LTBP1: variants seen among roughly 807,000 people sequenced by gnomAD.
LTBP1 encodes the protein latent transforming growth factor beta binding protein 1, also known as latent-transforming growth factor beta-binding protein 1.
In LTBP1, 129 loss-of-function variants were observed where a neutral mutation model predicts 207.6. The observed-to-expected ratio is 0.62, with a 90% confidence interval of 0.54 to 0.72. The LOEUF (loss-of-function observed/expected upper bound fraction) is 0.72, where lower values mean the gene tolerates loss of function less well. LTBP1 is among the 30% of genes least tolerant of loss of function. The pLI is 0.00. For missense variants in LTBP1, 2,281 were observed against 2,217.2 expected, an observed-to-expected ratio of 1.03 and a Z score of -0.58; for synonymous variants, 963 against 833.7, an observed-to-expected ratio of 1.16 and a Z score of -2.67.
At chr2:33,198,275 T>A (rs948434180) in intron 7 of LTBP1, among the ~76,000 whole-genome samples, 2 of 152,216 alleles carry the variant, frequency 1.3e-5, no homozygotes, top group South Asian at 4.1e-4. Flanking sequence ...ATAAGCTTTT[T>A]GATGTGCTGC....
At chr2:33,071,977 A>G (rs1285123618) in intron 3 of LTBP1, among the ~76,000 whole-genome samples, 1 of 152,134 alleles carries the variant, frequency 6.6e-6, no homozygotes, top group Non-Finnish European at 1.5e-5. Flanking sequence ...GAATTCTGAC[A>G]CTGTCTACCT....
intron 2 of LTBP1, among the ~76,000 whole-genome samples, chr2:33,019,669 C>G (rs2075057036): frequency 6.7e-6 from 1 of 150,190 alleles, no homozygotes; most frequent in African/African-American, 2.5e-5. Context: ...CCTTGCCTAT[C>G]ATAAAACCTA....
chr2:33,005,056 A>G (rs1339678788), intron 2 of LTBP1, among the ~76,000 whole-genome samples: 1 of 152,120 alleles, frequency 6.6e-6, no homozygotes, highest in Non-Finnish European at 1.5e-5. Context: ...CGACTTGTTC[A>G]TACAGCCACA....
intron 24 of LTBP1, among the ~76,000 whole-genome samples, chr2:33,321,204 A>G (rs1314752255): frequency 6.6e-6 from 1 of 152,082 alleles, no homozygotes; most frequent in East Asian, 1.9e-4. Flanking sequence ...TCTAGCCTGA[A>G]CTCTGACTCC....
At chr2:33,163,812 T>C (rs2084671967) in intron 5 of LTBP1, among the ~76,000 whole-genome samples, 1 of 152,160 alleles carries the variant, frequency 6.6e-6, no homozygotes, top group African/African-American at 2.4e-5. Flanking sequence ...TTCTAGTTAA[T>C]AAAGATTTGA....
In LTBP1 at chr2:33,315,181, G is replaced by T. The variant is rs1058840; in HGVS notation, c.3642G>T (p.Pro1214=). 6.2e-7 allele frequency: 1 copy of T among 1,611,938 alleles called. No individual in the cohort carries two copies. Among genetic ancestry groups the T allele is most frequent in the Non-Finnish European group, 8.5e-7 (1 of 1,179,414 alleles). ...GTGAACATCCAGGGCTCTGTGGTCC[G>T]CAAGGGGAGTGCCTAAACACAGAGG... is the stretch of plus-strand genomic sequence containing the variant. ...NECEHPGLCG[P]QGECLNTEGS... is the part of the protein sequence containing the mutation. The change falls in exon 24 of 34, where the codon CCG becomes CCT. Residue 1214 remains proline, a synonymous_variant. Transcript: ENST00000404816.
At chr2:33,270,589 CAAAAAAAAA>C (rs397961095) in intron 15 of LTBP1, among the ~76,000 whole-genome samples, 6 of 75,342 alleles carry the variant, frequency 8.0e-5, no homozygotes, top group Admixed American at 1.7e-4. Context: ...GACTCCGTCT[CAAAAAAAAA>C]AAAAAAAAAA....
At chr2:33,386,256 T>C (rs778724832) in intron 31 of LTBP1, among the ~76,000 whole-genome samples, 4 of 152,198 alleles carry the variant, frequency 2.6e-5, no homozygotes, top group Non-Finnish European at 5.9e-5. Flanking sequence ...TCCTAAACAT[T>C]GCATAGGAAC....
At chr2:33,374,677 C>T (rs939733927) in intron 31 of LTBP1, among the ~76,000 whole-genome samples, 6 of 152,128 alleles carry the variant, frequency 3.9e-5, no homozygotes, top group South Asian at 2.1e-4. Flanking sequence ...ACTCTTGGCC[C>T]GGCACAGTGG....
chr2:32,981,069 T>A (rs543141389), intron 2 of LTBP1, among the ~76,000 whole-genome samples: 4 of 152,180 alleles, frequency 2.6e-5, no homozygotes, highest in Non-Finnish European at 2.9e-5. Context: ...TTGGGTTAAA[T>A]CTGCTTGGTG....
intron 31 of LTBP1, among the ~76,000 whole-genome samples, chr2:33,378,109 G>A (rs74595632): frequency 0.049 from 7,422 of 151,790 alleles, 539 homozygotes; most frequent in East Asian, 0.2. Flanking sequence ...TAGGCATTCC[G>A]TTTTCTAGAA....
intron 24 of LTBP1, among the ~76,000 whole-genome samples, chr2:33,337,741 C>G (rs2094569309): frequency 6.6e-6 from 1 of 152,192 alleles, no homozygotes; most frequent in Non-Finnish European, 1.5e-5. Flanking sequence ...GTAGTTTTAA[C>G]AGAATCACCC....
intron 5 of LTBP1, among the ~76,000 whole-genome samples, chr2:33,162,244 T>C: frequency 6.6e-6 from 1 of 152,240 alleles, no homozygotes; most frequent in South Asian, 2.1e-4. Context: ...TTCATATGTA[T>C]GTGAATAGGT....
intron 9 of LTBP1, among the ~76,000 whole-genome samples, chr2:33,227,058 A>G (rs1396619080): frequency 6.7e-6 from 1 of 148,308 alleles, no homozygotes; most frequent in African/African-American, 2.5e-5. Flanking sequence ...TTTTTTTGAG[A>G]CGGAGTCTTG....
chr2:33,283,295 TC>T (rs2093598127), intron 19 of LTBP1, among the ~76,000 whole-genome samples: 1 of 152,034 alleles, frequency 6.6e-6, no homozygotes, highest in East Asian at 1.9e-4. Flanking sequence ...AACATGCTCT[TC>T]CTGGCTAGTC....
At position 33,363,538 on chromosome 2, in the gene LTBP1, A is replaced by G; in HGVS notation, c.4399+20A>G. 1 of 1,611,466 alleles carries G rather than the reference A, an allele frequency of 6.2e-7. No homozygotes were observed. Among genetic ancestry groups the G allele is most frequent in the South Asian group, 1.1e-5 (1 of 90,658 alleles). On this transcript the variant is annotated intron_variant, in intron 29 of 33. Coordinates refer to ENST00000404816, the MANE Select transcript of LTBP1 (RefSeq NM_206943.4). The stretch of plus-strand genomic sequence containing the variant: ...GCTTTGGTAAGCTTTAGGGGGATAT[A>G]GTATGGTGTACTGTGAAAATATACA...
intron 3 of LTBP1, among the ~76,000 whole-genome samples, chr2:33,094,560 C>T (rs948338451): frequency 2.6e-5 from 4 of 152,182 alleles, no homozygotes; most frequent in Non-Finnish European, 5.9e-5. Context: ...AACTGGCCTC[C>T]TTCAAGAATG....
intron 3 of LTBP1, among the ~76,000 whole-genome samples, chr2:33,091,863 T>A (rs2079113559): frequency 6.6e-6 from 1 of 152,162 alleles, no homozygotes; most frequent in Admixed American, 6.5e-5. Flanking sequence ...CTGTTTGGAG[T>A]TCCACTTTCA....
chr2:33,382,111 T>TTG (rs2095222694), intron 31 of LTBP1, among the ~76,000 whole-genome samples: 1 of 103,622 alleles, frequency 9.7e-6, no homozygotes, highest in Admixed American at 1.0e-4. Context: ...TTTTTTTTTT[T>TTG]TGAGACAGAG....
Sources: allele counts gnomAD v4.1 joint callset (sites outside exome capture counted in the v4.1 genomes callset), GRCh38; gene constraint gnomAD v4.1.1; transcripts MANE v1.5; gene names NCBI Gene and HGNC (gene_info 2026-07-23, HGNC 2026-07-21).